Variants in GLI2 observed in about 807,000 individuals in gnomAD.
The protein encoded by GLI2 is GLI family zinc finger 2.
In GLI2, 22 loss-of-function variants were observed where a neutral mutation model predicts 78.9. The ratio of observed to expected loss-of-function variants is 0.28; its 90% CI spans 0.20 to 0.40. The LOEUF (loss-of-function observed/expected upper bound fraction) is 0.40, where lower values mean the gene tolerates loss of function less well. Ranked by LOEUF, GLI2 falls within the 10% of genes least tolerant of loss-of-function variation. The pLI, the probability that GLI2 is intolerant of heterozygous loss-of-function variation, is 1.00. For synonymous variants in GLI2, 974 were observed against 963.7 expected (o/e 1.01, Z -0.20); for missense variants, 2,097 against 2,213.2 (o/e 0.95, Z 1.05).
At chr2:120,900,759 A>G (rs575887592) in intron 2 of GLI2, among the ~76,000 whole-genome samples, 4 of 152,326 alleles carry the variant, frequency 2.6e-5, no homozygotes, top group African/African-American at 9.6e-5. Context: ...ATCGGAGGTC[A>G]GTGATGTTGA....
intron 2 of GLI2, among the ~76,000 whole-genome samples, chr2:120,894,550 G>A (rs1241192969): frequency 5.3e-5 from 8 of 152,082 alleles, no homozygotes; most frequent in Admixed American, 4.6e-4. Context: ...TGCCAGGGGT[G>A]GGGGCTAATC....
chr2:120,782,610 G>T lies in GLI2; in HGVS notation c.-30-14681G>T, dbSNP rs146780698. On this transcript the variant is annotated intron_variant, in intron 1 of 13. Coordinates refer to ENST00000361492, the MANE Select transcript of GLI2 (RefSeq NM_001374353.1). Reference sequence around the variant, plus strand: ...GGTGGTGAGACCTCCATCCCTGGGAGGATATTCACTCAGAGCCTGGATGAC... The same window carrying T: ...GGTGGTGAGACCTCCATCCCTGGGATGATATTCACTCAGAGCCTGGATGAC... 4.3e-3 allele frequency among the ~76,000 whole-genome samples: 651 copies of T among 152,270 alleles called. 6 individuals are homozygous for T. Among genetic ancestry groups the T allele is most frequent in the African/African-American group, 0.015 (624 of 41,546 alleles).
Position 120,990,577 on chromosome 2 carries a change from T to C in GLI2, c.4612T>C (p.Ser1538Pro), listed in dbSNP as rs144372453. 935 of 1,613,732 alleles carry C rather than the reference T, an allele frequency of 5.8e-4. 7 individuals carry two copies. The African/African-American group carries it at 0.012, about 20-fold the overall frequency. The change falls in exon 14 of 14, where the codon TCC becomes CCC. Residue 1538 changes from serine (S) to proline (P), a missense_variant. Transcript: ENST00000361492. The stretch of plus-strand genomic sequence containing the variant: ...CCCCCGAAACTCCTTGACCCTGCCC[T>C]CCATCCCCGCAGGCATCAGCAACAT... ...TTPRNSLTLP[S>P]IPAGISNMAV...
chr2:120,909,427 C>A (rs1678703504), intron 2 of GLI2, among the ~76,000 whole-genome samples: 1 of 152,166 alleles, frequency 6.6e-6, no homozygotes, highest in Non-Finnish European at 1.5e-5. Flanking sequence ...TTGCTGTGAA[C>A]TGTCTTTTAC....
chr2:120,942,775 TG>T (rs1680512978), intron 3 of GLI2, among the ~76,000 whole-genome samples: 1 of 152,238 alleles, frequency 6.6e-6, no homozygotes, highest in African/African-American at 2.4e-5. Context: ...TGCTCTTCCC[TG>T]GACACGCTCC....
intron 2 of GLI2, among the ~76,000 whole-genome samples, chr2:120,920,900 GAAAAAAA>G (rs11439015): frequency 2.1e-5 from 3 of 140,136 alleles, no homozygotes; most frequent in Non-Finnish European, 4.6e-5. Flanking sequence ...TCTTTTACTT[GAAAAAAA>G]AAAAAAAACA....
rs916578184 is a variant in GLI2, at chr2:120,788,898, C to G, written c.-30-8393C>G. 7.2e-5 allele frequency among the ~76,000 whole-genome samples: 11 copies of G among 152,260 alleles called. No homozygotes were observed. The South Asian group carries it at 2.1e-3, about 29-fold the overall frequency. The stretch of plus-strand genomic sequence containing the variant: ...GCAGGCACAGGCTGGCCAGGCTGTG[C>G]TGCAGAAGCGTGTCAGACACCCAGG... On this transcript the variant is annotated intron_variant, in intron 1 of 13. Coordinates refer to ENST00000361492, the MANE Select transcript of GLI2 (RefSeq NM_001374353.1).
chr2:120,790,500 G>A (rs1684119586), intron 1 of GLI2, among the ~76,000 whole-genome samples: 2 of 152,164 alleles, frequency 1.3e-5, no homozygotes, highest in South Asian at 4.1e-4. Context: ...GGGGGCTGTG[G>A]GAATCCCTGG....
intron 2 of GLI2, among the ~76,000 whole-genome samples, chr2:120,853,338 C>A (rs550300506): frequency 8.1e-4 from 124 of 152,266 alleles, no homozygotes; most frequent in Middle Eastern, 3.4e-3. Context: ...AGAATGACAC[C>A]TCAGGTCACT....
chr2:120,979,893 A>T (rs759736390), intron 10 of GLI2, among the ~76,000 whole-genome samples: 11 of 152,226 alleles, frequency 7.2e-5, no homozygotes, highest in African/African-American at 9.6e-5. Context: ...AACTGAAATC[A>T]TACAATATGT....
At chr2:120,780,637 T>C (rs1290534096) in intron 1 of GLI2, among the ~76,000 whole-genome samples, 1 of 152,128 alleles carries the variant, frequency 6.6e-6, no homozygotes, top group Non-Finnish European at 1.5e-5. Context: ...ATTCAATAGA[T>C]GGTATCACTG....
At chr2:120,881,555 G>C (rs2104712324) in intron 2 of GLI2, among the ~76,000 whole-genome samples, 1 of 130,164 alleles carries the variant, frequency 7.7e-6, no homozygotes, top group Admixed American at 7.7e-5. Flanking sequence ...GAAAGACAGT[G>C]GTGGGGAGGA....
intron 1 of GLI2, chr2:120,792,162 G>A (rs1684180126): frequency 6.6e-6 from 1 of 152,200 alleles, no homozygotes; most frequent in African/African-American, 2.4e-5. Context: ...GAGGGTGTCT[G>A]GGATTTCAGG....
chr2:120,738,026 A>G (rs697697), intron 1 of GLI2, among the ~76,000 whole-genome samples: 107,579 of 152,088 alleles, frequency 0.71, 39,404 homozygotes, highest in African/African-American at 0.91. Flanking sequence ...GTGTCTGGGG[A>G]CAGGCCCTCC....
chr2:120,978,475 T>C lies in GLI2; in HGVS notation c.1359T>C (p.Phe453=), dbSNP rs1682565669. ...NEHIHGEKKE[F]VCRWQACTRE... ...ACATCCACGGGGAGAAGAAGGAGTTTGTGTGCCGCTGGCAGGCCTGCACGC... is the reference window on the plus strand; with the variant it reads ...ACATCCACGGGGAGAAGAAGGAGTTCGTGTGCCGCTGGCAGGCCTGCACGC... Residue 453 remains phenylalanine, a synonymous_variant, in exon 10 of 14, where the codon TTT becomes TTC. Transcript: ENST00000361492. The C allele has an allele frequency of 1.2e-6, 2 of 1,614,062 alleles. No individual in the cohort carries two copies. The highest frequency in any genetic ancestry group is 2.2e-5 in the East Asian group (1 of 44,868).
chr2:120,914,405 A>T lies in GLI2; in HGVS notation c.149-12956A>T, dbSNP rs186565187. ...TCTGCAAGGTGCCAGGGTCCCTGGG[A>T]GCCATGGTCCTCTGGGCTTCAAATC... On this transcript the variant is annotated intron_variant, in intron 2 of 13. Transcript: ENST00000361492. 5.2e-3 allele frequency among the ~76,000 whole-genome samples: 790 copies of T among 152,342 alleles called. 4 individuals carry two copies. Among genetic ancestry groups the T allele is most frequent in the Non-Finnish European group, 9.0e-3 (609 of 68,030 alleles).
At chr2:120,797,959 A>G (rs1374384500) in intron 2 of GLI2, among the ~76,000 whole-genome samples, 2 of 152,012 alleles carry the variant, frequency 1.3e-5, no homozygotes, top group Admixed American at 1.3e-4. Flanking sequence ...AACAAAAGAG[A>G]CTACACGAGC....
chr2:120,929,495 T>A (rs1180360504), intron 3 of GLI2, among the ~76,000 whole-genome samples: 2 of 152,260 alleles, frequency 1.3e-5, no homozygotes, highest in African/African-American at 4.8e-5. Context: ...GTGGTTGGAA[T>A]TCTCCTGTAA....
At chr2:120,813,888 T>C (rs990050958) in intron 2 of GLI2, among the ~76,000 whole-genome samples, 5 of 152,234 alleles carry the variant, frequency 3.3e-5, no homozygotes, top group African/African-American at 1.2e-4. Context: ...GTTATCATTC[T>C]TAGAAGCAGG....
Sources: gnomAD v4.1 joint callset for allele counts (sites outside exome capture counted in the v4.1 genomes callset) on GRCh38, gnomAD v4.1.1 for gene constraint, MANE v1.5 for transcripts, NCBI Gene and HGNC (gene_info 2026-07-23, HGNC 2026-07-21) for gene names.